Variants in SLC16A2 observed in about 807,000 individuals in gnomAD.
The protein encoded by SLC16A2 is solute carrier family 16 member 2.
In SLC16A2, 3 loss-of-function variants were observed where a neutral mutation model predicts 27.2. The observed-to-expected ratio is 0.11, with a 90% confidence interval of 0.05 to 0.28. SLC16A2 has a LOEUF of 0.28. Among genes scored for constraint, SLC16A2 ranks in the 10% least tolerant of loss-of-function variants. The probability of loss-of-function intolerance (pLI) is 1.00; values close to 1 mark genes in which losing one functional copy is unlikely to be tolerated. For synonymous variants in SLC16A2, 202 were observed against 187.8 expected, an observed-to-expected ratio of 1.08 and a Z score of -0.62; for missense variants, 295 against 458.5, an observed-to-expected ratio of 0.64 and a Z score of 3.26.
chrX:74,422,192 C>T, intron 1 of SLC16A2, 125 bp downstream of exon 1: 1 of 705,800 alleles, frequency 1.4e-6, no homozygotes, highest in South Asian at 2.4e-5. Flanking sequence ...TCCCCTTACC[C>T]CTTACCCCTT....
intron 2 of SLC16A2, among the ~76,000 whole-genome samples, chrX:74,521,670 A>G (rs1374498102): frequency 1.8e-5 from 2 of 112,295 alleles, no homozygotes; most frequent in Admixed American, 1.9e-4. Context: ...AAAGAGGTCA[A>G]CTGAGCCCAA....
intron 1 of SLC16A2, among the ~76,000 whole-genome samples, chrX:74,454,658 C>T (rs1373764278): frequency 9.1e-6 from 1 of 109,548 alleles, no homozygotes; most frequent in African/African-American, 3.3e-5. Flanking sequence ...AGCACACCAA[C>T]ATGGCACATG....
intron 4 of SLC16A2, among the ~76,000 whole-genome samples, chrX:74,526,906 C>T (rs1018218079): frequency 2.7e-5 from 3 of 112,695 alleles, no homozygotes; most frequent in African/African-American, 6.4e-5. Context: ...CCCAGCCTCA[C>T]CCACATGACA....
intron 1 of SLC16A2, among the ~76,000 whole-genome samples, chrX:74,496,931 C>T (rs1402728980): frequency 1.8e-5 from 2 of 111,811 alleles, no homozygotes; most frequent in South Asian, 3.8e-4. Context: ...GTGCTAGTGC[C>T]TGTTGGTGCA....
intron 1 of SLC16A2, among the ~76,000 whole-genome samples, chrX:74,513,404 A>G (rs751542044): frequency 1.8e-5 from 2 of 111,897 alleles, no homozygotes; most frequent in Non-Finnish European, 3.8e-5. Context: ...CCTAGCTTTG[A>G]GTCCAAGAAT....
At chrX:74,437,838 A>T (rs761323723) in intron 1 of SLC16A2, among the ~76,000 whole-genome samples, 28 of 111,477 alleles carry the variant, frequency 2.5e-4, no homozygotes, top group Non-Finnish European at 2.1e-4. Flanking sequence ...GCTCCTAATC[A>T]CAGGACCCCC....
chrX:74,450,247 A>T (rs576406762), intron 1 of SLC16A2, among the ~76,000 whole-genome samples: 18 of 112,448 alleles, frequency 1.6e-4, no homozygotes, highest in Middle Eastern at 4.6e-3. Flanking sequence ...CACATAATAG[A>T]TGCTCAATAA....
chrX:74,532,472 C>A lies in SLC16A2; in HGVS notation c.*919C>A, dbSNP rs1569301104. 8.9e-6 allele frequency: 1 copy of A among 112,170 alleles called. No individual in the cohort carries two copies. The highest frequency in any genetic ancestry group is 1.9e-5 in the Non-Finnish European group (1 of 53,223). The allele number at this position is 112,170 out of a possible 1,213,427, so 9.2% of individuals were successfully genotyped here. A position where few individuals can be genotyped will look rare whatever the true frequency, so the allele number is the denominator to read the frequency against. On this transcript the variant is annotated 3_prime_UTR_variant, in exon 6 of 6. Coordinates refer to ENST00000587091, the MANE Select transcript of SLC16A2 (RefSeq NM_006517.5). ...GGCATTAACCTCAAGGCCCTCCCAG[C>A]ACCCCATTCTTGTATACACATGGCA...
chrX:74,429,434 T>C (rs1928491689), intron 1 of SLC16A2, among the ~76,000 whole-genome samples: 1 of 107,171 alleles, frequency 9.3e-6, no homozygotes, highest in African/African-American at 3.4e-5. Flanking sequence ...ATCACACCAC[T>C]GCACTCCAGC....
intron 1 of SLC16A2, among the ~76,000 whole-genome samples, chrX:74,497,719 A>G (rs766303352): frequency 1.8e-5 from 2 of 110,080 alleles, no homozygotes; most frequent in South Asian, 4.0e-4. Flanking sequence ...GCAGAGGGCC[A>G]AAATGTTTCC....
intron 1 of SLC16A2, among the ~76,000 whole-genome samples, chrX:74,429,551 A>G (rs769700203): frequency 2.7e-5 from 3 of 111,138 alleles, no homozygotes; most frequent in Non-Finnish European, 5.7e-5. Context: ...CTGCTTTTAC[A>G]TGGCTGAAGG....
At chrX:74,469,847 C>T (rs1356622070) in intron 1 of SLC16A2, among the ~76,000 whole-genome samples, 2 of 111,290 alleles carry the variant, frequency 1.8e-5, no homozygotes, top group African/African-American at 6.5e-5. Context: ...ACCCAAAGTT[C>T]ATAATTTACA....
chrX:74,462,268 C>T (rs1436557647), intron 1 of SLC16A2, among the ~76,000 whole-genome samples: 2 of 111,965 alleles, frequency 1.8e-5, no homozygotes, highest in African/African-American at 3.2e-5. Context: ...GTTTGTTTCT[C>T]GAGTAGCCTG....
At chrX:74,475,399 G>A (rs968158139) in intron 1 of SLC16A2, among the ~76,000 whole-genome samples, 2 of 107,717 alleles carry the variant, frequency 1.9e-5, no homozygotes, top group African/African-American at 6.8e-5. Context: ...CAGATGAGTA[G>A]GTTGCAAAAA....
At chrX:74,516,928 G>A (rs1406257447) in intron 1 of SLC16A2, among the ~76,000 whole-genome samples, 1 of 111,809 alleles carries the variant, frequency 8.9e-6, no homozygotes, top group Non-Finnish European at 1.9e-5. Context: ...GTAAAAAAAA[G>A]TCAATTTCAA....
rs749350635 is a variant in SLC16A2, at chrX:74,509,778, C to T, written c.431-11212C>T. On this transcript the variant is annotated intron_variant, in intron 1 of 5. Transcript: ENST00000587091. ...AGACAGAATTTCACCATGTTGGCCA[C>T]GCTGGCTTGAACTCCTGACCTCAAG... Among the ~76,000 whole-genome samples, 7 of 111,714 alleles carry T rather than the reference C, an allele frequency of 6.3e-5. No homozygotes were observed. The South Asian group carries it at 1.5e-3, about 24-fold the overall frequency.
chrX:74,473,795 G>A, intron 1 of SLC16A2: 1 of 582,686 alleles, frequency 1.7e-6, no homozygotes, highest in Non-Finnish European at 3.0e-6. Context: ...GGAGGGCTTG[G>A]TGTTTGGATC....
At chrX:74,495,329 G>A (rs1266571243) in intron 1 of SLC16A2, among the ~76,000 whole-genome samples, 2 of 110,751 alleles carry the variant, frequency 1.8e-5, no homozygotes, top group African/African-American at 3.3e-5. Context: ...GCAGGGGAAA[G>A]GGAGTGTCCA....
At chrX:74,474,312 T>C (rs183066451) in intron 1 of SLC16A2, among the ~76,000 whole-genome samples, 1 of 111,898 alleles carries the variant, frequency 8.9e-6, no homozygotes, top group East Asian at 2.8e-4. Context: ...CTAAGTAGTA[T>C]ATACTTTTTG....
Sources: gnomAD v4.1 joint callset for allele counts (sites outside exome capture counted in the v4.1 genomes callset) on GRCh38, gnomAD v4.1.1 for gene constraint, MANE v1.5 for transcripts, NCBI Gene and HGNC (gene_info 2026-07-23, HGNC 2026-07-21) for gene names.